The following NCSTN variants were observed in gnomAD, a reference collection of about 807,000 sequenced individuals.
The protein encoded by NCSTN is anterior pharynx-defective 2.
In NCSTN, 22 loss-of-function variants were observed where a neutral mutation model predicts 87.0. That is an observed-to-expected ratio of 0.25 (90% CI 0.18 to 0.36). The LOEUF (loss-of-function observed/expected upper bound fraction) is 0.36, where lower values mean the gene tolerates loss of function less well. Among genes scored for constraint, NCSTN ranks in the 10% least tolerant of loss-of-function variants. The probability of loss-of-function intolerance (pLI) is 1.00; values close to 1 mark genes in which losing one functional copy is unlikely to be tolerated. For synonymous variants in NCSTN, 306 were observed against 327.1 expected (o/e 0.94, Z 0.69); for missense variants, 693 against 883.3 (o/e 0.78, Z 2.73).
Position 160,344,807 on chromosome 1 carries a change from T to A in NCSTN, c.171T>A (p.Thr57=). The part of the protein sequence containing the change: ...TAPCVRLLNA[T]HQIGCQSSIS... ...CCTGTGTTCGCCTGCTCAACGCCACTCATCAGATTGGCTGCCAGTGTGAGT... is the reference window on the plus strand; with the variant it reads ...CCTGTGTTCGCCTGCTCAACGCCACACATCAGATTGGCTGCCAGTGTGAGT... The change falls in exon 2 of 17, where the codon ACT becomes ACA. Residue 57 remains threonine (T), a synonymous_variant. Transcript: ENST00000294785. The A allele has an allele frequency of 6.2e-7, 1 of 1,613,938 alleles. No individual in the cohort carries two copies. The highest frequency in any genetic ancestry group is 8.5e-7 in the Non-Finnish European group (1 of 1,179,850).
In NCSTN at chr1:160,355,965, A is replaced by C. The variant is rs762954592; in HGVS notation, c.1551+7A>C. The C allele has an allele frequency of 1.4e-5, 22 of 1,606,628 alleles. No homozygotes were observed. The Admixed American group carries it at 2.5e-4, about 18-fold the overall frequency. On this transcript the variant is annotated splice_region_variant and intron_variant, in intron 13 of 16. Transcript: ENST00000294785. ...TCAGGCTGATCCCCAAACGGTAAGC[A>C]GATGGGCCCTAGCTCCTTCTTTCTA...
intron 2 of NCSTN, among the ~76,000 whole-genome samples, chr1:160,348,309 A>G (rs560191715): frequency 2.0e-5 from 3 of 152,242 alleles, no homozygotes; most frequent in Non-Finnish European, 4.4e-5. Flanking sequence ...TTTGTATAGC[A>G]TCCTGGCACA....
Position 160,355,970 on chromosome 1 carries a change from G to T in NCSTN, c.1551+12G>T. On this transcript the variant is annotated intron_variant, in intron 13 of 16. Transcript: ENST00000294785. ...CTGATCCCCAAACGGTAAGCAGATG[G>T]GCCCTAGCTCCTTCTTTCTATTTAC... 4 of 1,601,746 alleles carry T rather than the reference G, an allele frequency of 2.5e-6. No individual in the cohort carries two copies. The highest frequency in any genetic ancestry group is 3.4e-6 in the Non-Finnish European group (4 of 1,169,142).
At chr1:160,353,491 A>G (rs1648978202) in intron 10 of NCSTN, 2 of 1,379,486 alleles carry the variant, frequency 1.4e-6, no homozygotes, top group Admixed American at 2.9e-5. Flanking sequence ...ACCACTGCCC[A>G]TTAAGGATAG....
chr1:160,356,407 T>C (rs1011161275), intron 14 of NCSTN, 60 bp downstream of exon 14: 5 of 1,503,590 alleles, frequency 3.3e-6, no homozygotes, highest in African/African-American at 1.4e-5. Context: ...GAAAAAGTCT[T>C]TTGGTTTAAC....
At position 160,354,259 on chromosome 1, in the gene NCSTN, C is replaced by T; in HGVS notation, c.1321C>T (p.Leu441=). ...LRARNISGVV[L]ADHSGAFHNK... is the part of the protein sequence containing the mutation. Reference sequence around the variant, plus strand: ...AGCTCGAAACATCTCTGGCGTTGTTCTGGCTGACCACTCTGGTGCCTTCCA... The same window carrying T: ...AGCTCGAAACATCTCTGGCGTTGTTTTGGCTGACCACTCTGGTGCCTTCCA... Residue 441 remains leucine (L), a synonymous_variant, in exon 11 of 17, where the codon CTG becomes TTG. Transcript: ENST00000294785. 6.2e-7 allele frequency: 1 copy of T among 1,614,198 alleles called. No homozygotes were observed. Among genetic ancestry groups the T allele is most frequent in the Non-Finnish European group, 8.5e-7 (1 of 1,180,040 alleles).
At chr1:160,343,565 G>C in intron 1 of NCSTN, 84 bp downstream of exon 1, 1 of 1,262,588 alleles carries the variant, frequency 7.9e-7, no homozygotes, top group East Asian at 2.4e-5. Context: ...TCTCCCTTCT[G>C]GTTCCTGCTG....
chr1:160,354,972 G>A (rs1433419135), intron 11 of NCSTN, among the ~76,000 whole-genome samples: 3 of 152,140 alleles, frequency 2.0e-5, no homozygotes, highest in Admixed American at 6.5e-5. Context: ...ATTCATTTAG[G>A]GGAGTGACCG....
In NCSTN at chr1:160,352,931, G is replaced by A. The variant is rs1458260467; in HGVS notation, c.1041G>A (p.Met347Ile). The A allele has an allele frequency of 3.1e-6, 5 of 1,614,168 alleles. No individual in the cohort carries two copies. The South Asian group carries it at 4.4e-5, about 14-fold the overall frequency. ...YIGSSRMVYD[M>I]EKGKFPVQLE... is the part of the protein sequence containing the mutation. Reference sequence around the variant, plus strand: ...GCAGCTCGAGGATGGTCTACGATATGGAGAAGGGCAAGTTTCCCGTGCAGT... The same window carrying A: ...GCAGCTCGAGGATGGTCTACGATATAGAGAAGGGCAAGTTTCCCGTGCAGT... Residue 347 changes from methionine to isoleucine, a missense_variant, in exon 9 of 17, where the codon ATG (methionine) becomes ATA (isoleucine). Met to Ile is a conservative substitution (Grantham distance 10, BLOSUM62 1). Around this residue, in one of 4 missense-constraint regions of NCSTN, gnomAD observed 134 missense variants for 226.0 expected, o/e 0.59. Coordinates refer to ENST00000294785, the MANE Select transcript of NCSTN (RefSeq NM_015331.3).
chr1:160,358,469 T>A lies in NCSTN; in HGVS notation c.*198T>A, dbSNP rs1280680589. On this transcript the variant is annotated 3_prime_UTR_variant, in exon 17 of 17. Transcript: ENST00000294785. ...TCCCTTCCTCCGCTCCCCTTTCCCA[T>A]CACCCCTTCCCCATTTCCTCTTCCT... 4 of 691,382 alleles carry A rather than the reference T, an allele frequency of 5.8e-6. No individual in the cohort carries two copies. The East Asian group carries it at 1.1e-4, about 20-fold the overall frequency. 42.8% of individuals were successfully genotyped at this position (691,382 alleles called of 1,614,324 possible). A position where few individuals can be genotyped will look rare whatever the true frequency, so the allele number is the denominator to read the frequency against.
In NCSTN at chr1:160,353,196, A is replaced by G. The variant is rs553747081; in HGVS notation, c.1138A>G (p.Thr380Ala). Residue 380 changes from threonine (T) to alanine (A), a missense_variant, in exon 10 of 17, where the codon ACA becomes GCA. Thr to Ala is a moderately conservative substitution (Grantham distance 58). Around this residue, in one of 4 missense-constraint regions of NCSTN, gnomAD observed 108 missense variants for 111.6 expected, o/e 0.97. Coordinates refer to ENST00000294785, the MANE Select transcript of NCSTN (RefSeq NM_015331.3). ...AACTTCATTAGAGCTTTGGATGCAC[A>G]CAGATCCTGTTTCTCAGAAAAATGA... ...LRTSLELWMH[T>A]DPVSQKNESV... The G allele has an allele frequency of 6.2e-7, 1 of 1,614,140 alleles. No individual in the cohort carries two copies. The highest frequency in any genetic ancestry group is 1.3e-5 in the African/African-American group (1 of 75,016).
At position 160,354,253 on chromosome 1, in the gene NCSTN, G is replaced by A. The variant is rs144264818; in HGVS notation, c.1315G>A (p.Val439Ile). 6.4e-5 allele frequency: 104 copies of A among 1,614,042 alleles called. No homozygotes were observed. Among genetic ancestry groups the A allele is most frequent in the Admixed American group, 6.7e-5 (4 of 59,998 alleles). The change falls in exon 11 of 17, where the codon GTT (valine) becomes ATT (isoleucine). Residue 439 changes from valine to isoleucine, a missense_variant. By Grantham distance (29) the Val-to-Ile change is conservative (BLOSUM62 3). Coordinates refer to ENST00000294785, the MANE Select transcript of NCSTN (RefSeq NM_015331.3). Reference protein sequence around the residue: ...RFLRARNISGVVLADHSGAFH... With the variant: ...RFLRARNISGIVLADHSGAFH... Reference sequence around the variant, plus strand: ...TCTTCGAGCTCGAAACATCTCTGGCGTTGTTCTGGCTGACCACTCTGGTGC... The same window carrying A: ...TCTTCGAGCTCGAAACATCTCTGGCATTGTTCTGGCTGACCACTCTGGTGC...
rs771572309 is a variant in NCSTN, at chr1:160,351,205, T to C, written c.583-17T>C. ...CCACAAACTAGCTGTCTCAGTGGGG[T>C]CCATCTCCCCTTTCAGTGCTATCAA... On this transcript the variant is annotated splice_polypyrimidine_tract_variant and intron_variant, in intron 5 of 16. Coordinates refer to ENST00000294785, the MANE Select transcript of NCSTN (RefSeq NM_015331.3). The C allele has an allele frequency of 2.5e-6, 4 of 1,613,826 alleles. No individual in the cohort carries two copies. The Admixed American group carries it at 6.7e-5, about 27-fold the overall frequency.
Position 160,351,803 on chromosome 1 carries a change from C to T in NCSTN, c.841C>T (p.Arg281Trp), listed in dbSNP as rs1163539088. The T allele has an allele frequency of 3.7e-6, 6 of 1,601,458 alleles. No individual in the cohort carries two copies. The highest frequency in any genetic ancestry group is 2.2e-5 in the East Asian group (1 of 44,824). The change falls in exon 7 of 17, where the codon CGG becomes TGG. Residue 281 changes from arginine to tryptophan, a missense_variant and splice_region_variant. By Grantham distance (101) the Arg-to-Trp change is moderately radical (BLOSUM62 -3). This residue lies in a region of NCSTN where 134 missense variants were observed against 226.0 expected (regional missense o/e 0.59). Transcript: ENST00000294785. Reference protein sequence around the residue: ...PDDRVVVAATRLDSRSFFWNV... With the variant: ...PDDRVVVAATWLDSRSFFWNV... ...CGACAGGGTTGTGGTTGCTGCCACCCGGGTGAGTGTTGGCTTCTGATCAGG... is the reference window on the plus strand; with the variant it reads ...CGACAGGGTTGTGGTTGCTGCCACCTGGGTGAGTGTTGGCTTCTGATCAGG...
intron 4 of NCSTN, 80 bp downstream of exon 4, chr1:160,349,750 T>C: frequency 6.4e-7 from 1 of 1,559,648 alleles, no homozygotes; most frequent in Non-Finnish European, 8.8e-7. Context: ...TTGTGAGGGA[T>C]GTATATGTGT....
intron 2 of NCSTN, among the ~76,000 whole-genome samples, chr1:160,346,266 ATCACC>A (rs1441576416): frequency 6.6e-6 from 1 of 152,208 alleles, no homozygotes; most frequent in African/African-American, 2.4e-5. Context: ...CATCAAATTG[ATCACC>A]TCTGAATTTC....
At chr1:160,353,490 C>T (rs1391433955) in intron 10 of NCSTN, 4 of 1,381,744 alleles carry the variant, frequency 2.9e-6, no homozygotes, top group Non-Finnish European at 3.8e-6. Flanking sequence ...TACCACTGCC[C>T]ATTAAGGATA....
chr1:160,352,854 C>T (rs756298445), intron 8 of NCSTN, 33 bp from the exon 9 acceptor site: 1 of 1,557,394 alleles, frequency 6.4e-7, no homozygotes, highest in Non-Finnish European at 8.9e-7. Context: ...TTTGGAATCT[C>T]TGTTCCCCCT....
At chr1:160,348,963 A>G (rs1648676906) in intron 2 of NCSTN, 36 bp from the exon 3 acceptor site, 1 of 1,613,986 alleles carries the variant, frequency 6.2e-7, no homozygotes, top group African/African-American at 1.3e-5. Flanking sequence ...ATTGTTAACT[A>G]TGGGAGCTTT....
Sources: allele counts gnomAD v4.1 joint callset (sites outside exome capture counted in the v4.1 genomes callset), GRCh38; gene constraint gnomAD v4.1.1; regional missense constraint gnomAD v4.1.1; transcripts MANE v1.5; gene names NCBI Gene and HGNC (gene_info 2026-07-23, HGNC 2026-07-21).